FLT1: variants seen among roughly 807,000 people sequenced by gnomAD.
FLT1 encodes the protein fms related receptor tyrosine kinase 1, also known as vascular endothelial growth factor receptor 1.
Under a neutral mutation model 156.3 loss-of-function variants are expected in FLT1, and 49 were observed. The observed-to-expected ratio is 0.31, with a 90% CI of 0.25 to 0.40. The LOEUF is 0.40. FLT1 is among the 10% of genes least tolerant of loss of function. FLT1 has a pLI of 1.00. For missense variants in FLT1, 1,322 were observed against 1,637.2 expected (o/e 0.81, Z 3.32); for synonymous variants, 594 against 583.8 (o/e 1.02, Z -0.25).
intron 1 of FLT1, among the ~76,000 whole-genome samples, chr13:28,475,599 G>A (rs1880498873): frequency 6.6e-6 from 1 of 152,172 alleles, no homozygotes; most frequent in African/African-American, 2.4e-5. Flanking sequence ...TTTGGGGTTG[G>A]TGGCAAGGAT....
intron 10 of FLT1, among the ~76,000 whole-genome samples, chr13:28,420,932 G>A (rs557467720): frequency 1.3e-5 from 2 of 152,032 alleles, no homozygotes; most frequent in African/African-American, 2.4e-5. Context: ...AGCCCCTCTC[G>A]GAAGCCCTTC....
chr13:28,329,030 C>T lies in FLT1; in HGVS notation c.2707+585G>A, dbSNP rs141011489. On this transcript the variant is annotated intron_variant, in intron 19 of 29. Transcript: ENST00000282397. The stretch of plus-strand genomic sequence containing the variant: ...TACCTCTGTTGAGAGCTGGGGAAAA[C>T]ATTGGCTTGCACAGCTCTTTGCACC... Among the ~76,000 whole-genome samples, 146 of 152,304 alleles carry T rather than the reference C, an allele frequency of 9.6e-4. 2 individuals carry two copies. The highest frequency in any genetic ancestry group is 2.9e-3 in the African/African-American group (121 of 41,564).
rs529170320 is a variant in FLT1, at chr13:28,461,798, C to T, written c.388+5105G>A. Among the ~76,000 whole-genome samples, 3 of 152,264 alleles carry T rather than the reference C, an allele frequency of 2.0e-5. No homozygotes were observed. The South Asian group carries it at 6.2e-4, about 32-fold the overall frequency. On this transcript the variant is annotated intron_variant, in intron 3 of 29. Transcript: ENST00000282397. ...AAGTTGTTAGAAATTCTACTGCTTTCAGTTATATACCCAATGTGTCCGATA... is the reference window on the plus strand; with the variant it reads ...AAGTTGTTAGAAATTCTACTGCTTTTAGTTATATACCCAATGTGTCCGATA...
chr13:28,317,836 C>T (rs1871268626), intron 24 of FLT1, among the ~76,000 whole-genome samples: 1 of 152,218 alleles, frequency 6.6e-6, no homozygotes, highest in Admixed American at 6.5e-5. Context: ...TGCTCACAGG[C>T]TATTCCTATG....
chr13:28,483,261 T>C (rs1335121411), intron 1 of FLT1, among the ~76,000 whole-genome samples: 1 of 152,220 alleles, frequency 6.6e-6, no homozygotes, highest in East Asian at 1.9e-4. Context: ...TAAAACTGTT[T>C]GTTTGTAATC....
At chr13:28,473,818 GA>G (rs1337710010) in intron 1 of FLT1, among the ~76,000 whole-genome samples, 2 of 126,244 alleles carry the variant, frequency 1.6e-5, no homozygotes, top group Non-Finnish European at 3.3e-5. Flanking sequence ...AAGAAAGAAA[GA>G]AAGAAAGAAA....
intron 10 of FLT1, 146 bp from the exon 11 acceptor site, chr13:28,406,040 T>C (rs753295660): frequency 4.5e-6 from 3 of 662,442 alleles, no homozygotes; most frequent in Non-Finnish European, 8.1e-6. Context: ...TTTTTTCCTA[T>C]ATTCATCCTC....
chr13:28,414,823 A>G (rs181823731), intron 10 of FLT1, among the ~76,000 whole-genome samples: 47 of 151,894 alleles, frequency 3.1e-4, no homozygotes, highest in African/African-American at 1.1e-3. Flanking sequence ...ACCCTACCTC[A>G]CATCAGATGT....
intron 3 of FLT1, among the ~76,000 whole-genome samples, chr13:28,465,818 A>G (rs1300151126): frequency 6.6e-6 from 1 of 151,424 alleles, no homozygotes; most frequent in Non-Finnish European, 1.5e-5. Flanking sequence ...CATGGGTGAG[A>G]GATCAAGACT....
intron 8 of FLT1, among the ~76,000 whole-genome samples, chr13:28,428,541 G>C (rs551456273): frequency 6.6e-6 from 1 of 152,164 alleles, no homozygotes; most frequent in African/African-American, 2.4e-5. Context: ...CTGAATCGAT[G>C]CATTGATATC....
rs548091277 is a variant in FLT1, at chr13:28,325,906, C to T, written c.2796+1556G>A. Reference sequence around the variant, plus strand: ...GATGTTCTTGCATATATTGCCGGTCCGGTAGAACATCTCTGTCTTTAATTA... The same window carrying T: ...GATGTTCTTGCATATATTGCCGGTCTGGTAGAACATCTCTGTCTTTAATTA... On this transcript the variant is annotated intron_variant, in intron 20 of 29. Transcript: ENST00000282397. Among the ~76,000 whole-genome samples the T allele has an allele frequency of 5.9e-5, 9 of 151,496 alleles. No individual in the cohort carries two copies. The South Asian group carries it at 1.3e-3, about 21-fold the overall frequency.
rs181393471 is a variant in FLT1 at position 28,484,649 on chromosome 13, G to A, written c.64+10131C>T. On this transcript the variant is annotated intron_variant, in intron 1 of 29. Coordinates refer to ENST00000282397, the MANE Select transcript of FLT1 (RefSeq NM_002019.4). ...GTAGCAGTGGCTTCTCACATTCTTT[G>A]GAGATGGCCAAACTCCAAGGACAGA... 9.5e-4 allele frequency among the ~76,000 whole-genome samples: 145 copies of A among 152,240 alleles called. 1 individual carries two copies. Among genetic ancestry groups the A allele is most frequent in the African/African-American group, 3.3e-3 (138 of 41,546 alleles).
chr13:28,327,875 T>A (rs1301524469), intron 19 of FLT1, among the ~76,000 whole-genome samples: 1 of 151,826 alleles, frequency 6.6e-6, no homozygotes, highest in African/African-American at 2.4e-5. Flanking sequence ...CCTCCCTGCC[T>A]CTTAACCAGA....
chr13:28,464,286 G>C (rs1201225488), intron 3 of FLT1, among the ~76,000 whole-genome samples: 1 of 152,116 alleles, frequency 6.6e-6, no homozygotes, highest in Non-Finnish European at 1.5e-5. Flanking sequence ...AACAAATTAT[G>C]CAAGTGTTTT....
intron 10 of FLT1, among the ~76,000 whole-genome samples, chr13:28,410,868 G>A (rs1876123885): frequency 6.6e-6 from 1 of 152,152 alleles, no homozygotes; most frequent in South Asian, 2.1e-4. Context: ...AGCAGAATTA[G>A]GATCAGAACC....
At chr13:28,305,784 T>G (rs12877323) in intron 29 of FLT1, among the ~76,000 whole-genome samples, 26,576 of 152,168 alleles carry the variant, frequency 0.17, 3,073 homozygotes, top group African/African-American at 0.33. Flanking sequence ...TTTTTGCAAC[T>G]TTTTTAGCTT....
chr13:28,358,716 ATT>A (rs1470611078), intron 14 of FLT1, among the ~76,000 whole-genome samples: 5 of 152,202 alleles, frequency 3.3e-5, no homozygotes, highest in African/African-American at 9.7e-5. Context: ...ACACATTTAC[ATT>A]CTCTCTCTCC....
At chr13:28,349,470 G>A (rs1054586548) in intron 15 of FLT1, among the ~76,000 whole-genome samples, 9 of 145,192 alleles carry the variant, frequency 6.2e-5, no homozygotes, top group Admixed American at 6.9e-5. Flanking sequence ...ATGCGCACAC[G>A]CACACACACA....
chr13:28,423,769 G>A (rs1397338403), intron 10 of FLT1, among the ~76,000 whole-genome samples: 6 of 152,204 alleles, frequency 3.9e-5, no homozygotes, highest in African/African-American at 1.4e-4. Context: ...TCCTTATGAT[G>A]CTCTCTGGCT....
Sources: allele counts gnomAD v4.1 joint callset (sites outside exome capture counted in the v4.1 genomes callset), GRCh38; gene constraint gnomAD v4.1.1; transcripts MANE v1.5; gene names NCBI Gene and HGNC (gene_info 2026-07-23, HGNC 2026-07-21).